ANKRD24: variants seen among roughly 807,000 people sequenced by gnomAD.
The protein encoded by ANKRD24 is ankyrin repeat domain-containing protein 24.
Under a neutral mutation model 127.8 loss-of-function variants are expected in ANKRD24, and 109 were observed. That is an observed-to-expected ratio of 0.85 (90% CI 0.73 to 1.00). The LOEUF is 1.00. Among genes scored for constraint, ANKRD24 ranks in the 50% least tolerant of loss-of-function variants. The probability of loss-of-function intolerance (pLI) is 0.00; values close to 1 mark genes in which losing one functional copy is unlikely to be tolerated. For missense variants in ANKRD24, 1,648 were observed against 1,570.2 expected (o/e 1.05, Z -0.84); for synonymous variants, 743 against 671.1 (o/e 1.11, Z -1.66).
intron 13 of ANKRD24, among the ~76,000 whole-genome samples, chr19:4,211,057 T>C (rs1489952582): frequency 6.6e-6 from 1 of 151,964 alleles, no homozygotes; most frequent in East Asian, 2.0e-4. Flanking sequence ...GGTCTCTAAC[T>C]CCTGACCTCA....
chr19:4,184,449 C>G (rs929834234), intron 1 of ANKRD24, among the ~76,000 whole-genome samples: 1 of 152,248 alleles, frequency 6.6e-6, no homozygotes, highest in African/African-American at 2.4e-5. Flanking sequence ...CTGACACACA[C>G]ATGCACTCGT....
In ANKRD24 at chr19:4,217,792, C is replaced by A; in HGVS notation, c.2632C>A (p.Arg878=). The stretch of plus-strand genomic sequence containing the variant: ...GGCGGCCGCGGAACTGGGCCGGGCA[C>A]GGGACGCCGCTGAGGCCCGAGTGGC... The part of the protein sequence containing the change: ...RTAAAELGRA[R]DAAEARVAEL... The change falls in exon 18 of 22, where the codon CGG becomes AGG. Residue 878 remains arginine, a synonymous_variant. Coordinates refer to ENST00000318934, the MANE Select transcript of ANKRD24 (RefSeq NM_001393985.1). 7.5e-7 allele frequency: 1 copy of A among 1,333,562 alleles called. No individual in the cohort carries two copies. 82.6% of individuals were successfully genotyped at this position (1,333,562 alleles called of 1,614,324 possible).
chr19:4,208,225 T>C (rs1219642780), intron 10 of ANKRD24, among the ~76,000 whole-genome samples: 3 of 151,990 alleles, frequency 2.0e-5, no homozygotes, highest in South Asian at 2.1e-4. Flanking sequence ...CACCCCCTGC[T>C]GGGCAAGGTG....
rs1012867231 is a variant in ANKRD24, at chr19:4,195,951, T to C, written c.37-3732T>C. On this transcript the variant is annotated intron_variant, in intron 2 of 21. Transcript: ENST00000318934. This position sits in a 1 kb window ranked among gnomAD's most constrained non-coding sequence, Gnocchi z 4.2. ...ACGGACCACACCGACGTGTAAATGC[T>C]CAATGCTCACCCAGCCCTAAGCCAG... is the stretch of plus-strand genomic sequence containing the variant. Among the ~76,000 whole-genome samples, 1 of 152,162 alleles carries C rather than the reference T, an allele frequency of 6.6e-6. No individual in the cohort carries two copies. Among genetic ancestry groups the C allele is most frequent in the Non-Finnish European group, 1.5e-5 (1 of 68,036 alleles).
chr19:4,224,547 G>A lies in ANKRD24; in HGVS notation c.*42G>A. The A allele has an allele frequency of 6.4e-7, 1 of 1,561,100 alleles. No homozygotes were observed. Among genetic ancestry groups the A allele is most frequent in the African/African-American group, 1.4e-5 (1 of 73,426 alleles). On this transcript the variant is annotated 3_prime_UTR_variant, in exon 22 of 22. Coordinates refer to ENST00000318934, the MANE Select transcript of ANKRD24 (RefSeq NM_001393985.1). ...TGGCTACACTGACCACACCCACGCA[G>A]GGACCTCACCCCCCTGCAGGCCCCT...
chr19:4,193,067 G>A lies in ANKRD24; in HGVS notation c.36+6606G>A, dbSNP rs189413423. 1.5e-3 allele frequency among the ~76,000 whole-genome samples: 234 copies of A among 151,964 alleles called. 1 individual carries two copies. The highest frequency in any genetic ancestry group is 0.014 in the Middle Eastern group (4 of 292). ...TGTAATCCCAGCACTTTGGGAGGCC[G>A]AGGTGAGTGGATCACTTGAAGTCAG... On this transcript the variant is annotated intron_variant, in intron 2 of 21. Transcript: ENST00000318934.
chr19:4,198,199 T>C lies in ANKRD24; in HGVS notation c.37-1484T>C. On this transcript the variant is annotated intron_variant, in intron 2 of 21. Coordinates refer to ENST00000318934, the MANE Select transcript of ANKRD24 (RefSeq NM_001393985.1). The surrounding 1 kb of genome is among the most constrained non-coding windows in gnomAD (Gnocchi z 6.1). ...GGCCCCCGGCGCCGCGTCCTCCTCA[T>C]CCTCCAGGCGACAAGGTCAGGAGGG... 1.7e-6 allele frequency: 1 copy of C among 573,278 alleles called. No individual in the cohort carries two copies. Among genetic ancestry groups the C allele is most frequent in the South Asian group, 2.0e-5 (1 of 49,502 alleles). 35.5% of individuals were successfully genotyped at this position (573,278 alleles called of 1,614,324 possible). A position where few individuals can be genotyped will look rare whatever the true frequency, so the allele number is the denominator to read the frequency against.
chr19:4,207,831 T>G lies in ANKRD24; in HGVS notation c.695T>G (p.Val232Gly). 6.3e-7 allele frequency: 1 copy of G among 1,575,092 alleles called. No homozygotes were observed. Among genetic ancestry groups the G allele is most frequent in the Non-Finnish European group, 8.6e-7 (1 of 1,162,046 alleles). ...CEGASPETVE[V>G]LLQGGAQPGI... is the part of the protein sequence containing the mutation. ...GGGGCCAGCCCCGAAACAGTGGAGG[T>G]CCTGCTGCAGGGCGGAGCCCAGCCG... is the stretch of plus-strand genomic sequence containing the variant. Residue 232 changes from valine to glycine, a missense_variant, in exon 10 of 22, where the codon GTC becomes GGC. By Grantham distance (109) the Val-to-Gly change is moderately radical. Coordinates refer to ENST00000318934, the MANE Select transcript of ANKRD24 (RefSeq NM_001393985.1).
rs1402523332 is a variant in ANKRD24, at chr19:4,216,933, C to T, written c.1773C>T (p.Ala591=). 8 of 1,610,952 alleles carry T rather than the reference C, an allele frequency of 5.0e-6. No homozygotes were observed. Among genetic ancestry groups the T allele is most frequent in the Non-Finnish European group, 6.8e-6 (8 of 1,178,612 alleles). ...ATGAEATGAE[A]TGAKVTETKP... ...GAGCCGAGGCCACGGGAGCTGAGGC[C>T]ACAGGAGCCAAGGTCACAGAAACAA... is the stretch of plus-strand genomic sequence containing the variant. The change falls in exon 18 of 22, where the codon GCC becomes GCT. Residue 591 remains alanine, a synonymous_variant. Coordinates refer to ENST00000318934, the MANE Select transcript of ANKRD24 (RefSeq NM_001393985.1).
intron 2 of ANKRD24, among the ~76,000 whole-genome samples, chr19:4,196,337 T>TTTGTTG (rs112815640): frequency 0.37 from 56,583 of 151,090 alleles, 10,964 homozygotes; most frequent in Non-Finnish European, 0.43. Context: ...AGACCTCGGT[T>TTTGTTG]TTGTTGTTGT....
rs989909901 is a variant in ANKRD24 at position 4,195,134 on chromosome 19, A to T, written c.37-4549A>T. ...GTCACCCAGGTTGGAGTGCAGTGGC[A>T]CGACTTCTGCTCACTGCAAGCTCCG... On this transcript the variant is annotated intron_variant, in intron 2 of 21. Coordinates refer to ENST00000318934, the MANE Select transcript of ANKRD24 (RefSeq NM_001393985.1). The surrounding 1 kb of genome is among the most constrained non-coding windows in gnomAD (Gnocchi z 4.2). 2.7e-5 allele frequency among the ~76,000 whole-genome samples: 4 copies of T among 150,740 alleles called. No individual in the cohort carries two copies. Among genetic ancestry groups the T allele is most frequent in the South Asian group, 4.2e-4 (2 of 4,814 alleles).
chr19:4,218,273 A>C, intron 18 of ANKRD24, 110 bp downstream of exon 18: 4 of 795,702 alleles, frequency 5.0e-6, no homozygotes, highest in Non-Finnish European at 6.8e-6. Flanking sequence ...ACTTGAACAG[A>C]CCTACTTTAT....
At chr19:4,204,467 T>G (rs1272950917) in intron 7 of ANKRD24, among the ~76,000 whole-genome samples, 1 of 152,152 alleles carries the variant, frequency 6.6e-6, no homozygotes, top group Non-Finnish European at 1.5e-5. Context: ...TCCTGGGCTT[T>G]GTGAGGATGA....
In ANKRD24 at chr19:4,212,590, C is replaced by T; in HGVS notation, c.1099-10C>T. 6.5e-7 allele frequency: 1 copy of T among 1,550,318 alleles called. No individual in the cohort carries two copies. Among genetic ancestry groups the T allele is most frequent in the Non-Finnish European group, 8.7e-7 (1 of 1,146,688 alleles). ...CCCAGAGGCAGCTGAGCCTCCACTG[C>T]TGCTCCCAGGTGCAAGAGCTACAGC... On this transcript the variant is annotated splice_polypyrimidine_tract_variant and intron_variant, in intron 14 of 21. Coordinates refer to ENST00000318934, the MANE Select transcript of ANKRD24 (RefSeq NM_001393985.1).
Position 4,217,820 on chromosome 19 carries a change from A to C in ANKRD24, c.2660A>C (p.Glu887Ala), listed in dbSNP as rs1970201120. The change falls in exon 18 of 22, where the codon GAG becomes GCG. Residue 887 changes from glutamate to alanine, a missense_variant. Physicochemically the swap from Glu to Ala is moderately radical, Grantham distance 107. Transcript: ENST00000318934. ...ARDAAEARVA[E>A]LPAACEEARQ... ...GACGCCGCTGAGGCCCGAGTGGCTG[A>C]GCTGCCTGCGGCCTGCGAGGAGGCG... 2 of 1,401,326 alleles carry C rather than the reference A, an allele frequency of 1.4e-6. No individual in the cohort carries two copies. Among genetic ancestry groups the C allele is most frequent in the Non-Finnish European group, 1.8e-6 (2 of 1,082,444 alleles). 86.8% of individuals were successfully genotyped at this position (1,401,326 alleles called of 1,614,324 possible).
chr19:4,207,450 C>T, intron 8 of ANKRD24, 51 bp from the exon 9 acceptor site: 1 of 1,591,318 alleles, frequency 6.3e-7, no homozygotes, highest in Non-Finnish European at 8.6e-7. Context: ...GCTTCTGCAC[C>T]TCCCGGGGGT....
intron 1 of ANKRD24, among the ~76,000 whole-genome samples, chr19:4,183,127 C>T (rs554657774): frequency 1.1e-3 from 160 of 152,070 alleles, no homozygotes; most frequent in Middle Eastern, 3.4e-3. Context: ...TACAGGCGCC[C>T]GCCACCACAC....
rs1968875327 is a variant in ANKRD24, at chr19:4,198,285, T to C, written c.37-1398T>C. ...CCAGCCCCCTACCTGGGTCTTCCCA[T>C]TCCATCCCGTGGGGGAGGGGGCTGG... On this transcript the variant is annotated intron_variant, in intron 2 of 21. Transcript: ENST00000318934. The surrounding 1 kb of genome is among the most constrained non-coding windows in gnomAD (Gnocchi z 6.1). 7.5e-6 allele frequency: 3 copies of C among 397,582 alleles called. No individual in the cohort carries two copies. The South Asian group carries it at 1.6e-4, about 21-fold the overall frequency. 24.6% of individuals were successfully genotyped at this position (397,582 alleles called of 1,614,324 possible). A position where few individuals can be genotyped will look rare whatever the true frequency, so the allele number is the denominator to read the frequency against.
At chr19:4,191,902 C>T (rs551550196) in intron 2 of ANKRD24, among the ~76,000 whole-genome samples, 2 of 152,080 alleles carry the variant, frequency 1.3e-5, no homozygotes, top group Admixed American at 1.3e-4. Context: ...CTGCCTCAGC[C>T]TCCCGAGTAG....
Sources: allele counts gnomAD v4.1 joint callset (sites outside exome capture counted in the v4.1 genomes callset), GRCh38; gene constraint gnomAD v4.1.1; non-coding constraint Gnocchi (gnomAD v3.1); transcripts MANE v1.5; gene names NCBI Gene and HGNC (gene_info 2026-07-23, HGNC 2026-07-21).